The following STPG1 variants were observed in gnomAD, a reference collection of about 807,000 sequenced individuals.
The protein encoded by STPG1 is O(6)-methylguanine-induced apoptosis 2.
STPG1 carries 33 observed loss-of-function variants against 40.1 expected under a neutral mutation model. The ratio of observed to expected loss-of-function variants is 0.82; its 90% CI spans 0.62 to 1.10. STPG1 has a LOEUF of 1.10. STPG1 is among the 50% of genes least tolerant of loss of function. STPG1 has a pLI of 0.00. For synonymous variants in STPG1, 150 were observed against 155.0 expected (o/e 0.97, Z 0.24); for missense variants, 396 against 415.1 (o/e 0.95, Z 0.40).
chr1:24,378,617 C>G (rs895880684), intron 5 of STPG1, among the ~76,000 whole-genome samples: 1 of 152,110 alleles, frequency 6.6e-6, no homozygotes, highest in Non-Finnish European at 1.5e-5. Context: ...CAGAGCAAGA[C>G]TCCGTCTCAA....
intron 8 of STPG1, among the ~76,000 whole-genome samples, 161 bp downstream of exon 8, chr1:24,360,690 T>G (rs994433964): frequency 6.6e-6 from 1 of 152,202 alleles, no homozygotes; most frequent in African/African-American, 2.4e-5. Context: ...CAAAACATTT[T>G]TGTACTGTGA....
At position 24,389,911 on chromosome 1, in the gene STPG1, TTA is replaced by T. The variant is rs533829735; in HGVS notation, c.189+1648_189+1649del. Among the ~76,000 whole-genome samples, 15 of 152,372 alleles carry T rather than the reference TTA, an allele frequency of 9.8e-5. No individual in the cohort carries two copies. In the South Asian group the frequency reaches 3.1e-3, roughly 32 times the overall value. ...TTGTGTGCGTACACTCTATTCTTTA[TTA>T]TTTGCTTTCTTAGAATCCTAAAATA... On this transcript the variant is annotated intron_variant, in intron 3 of 8. Transcript: ENST00000337248.
intron 1 of STPG1, among the ~76,000 whole-genome samples, chr1:24,413,295 G>A (rs1643815228): frequency 6.6e-6 from 1 of 152,244 alleles, no homozygotes; most frequent in African/African-American, 2.4e-5. Context: ...CCCTGAGCTG[G>A]GGTGAACCTA....
chr1:24,380,102 T>C (rs1229757137), intron 4 of STPG1, among the ~76,000 whole-genome samples: 1 of 152,206 alleles, frequency 6.6e-6, no homozygotes, highest in African/African-American at 2.4e-5. Context: ...TTCCACCCAA[T>C]CCTGTTCCAG....
At chr1:24,402,739 C>T (rs1002868076) in intron 1 of STPG1, among the ~76,000 whole-genome samples, 1 of 142,542 alleles carries the variant, frequency 7.0e-6, no homozygotes, top group African/African-American at 2.7e-5. Context: ...GAGCAACAGC[C>T]TATCTCAAAA....
At chr1:24,396,790 G>A (rs1643023734) in intron 2 of STPG1, among the ~76,000 whole-genome samples, 1 of 152,010 alleles carries the variant, frequency 6.6e-6, no homozygotes, top group African/African-American at 2.4e-5. Flanking sequence ...GAACAGATGG[G>A]ACGAATAGAA....
intron 7 of STPG1, 113 bp downstream of exon 7, chr1:24,369,561 G>T (rs140815514): frequency 0.013 from 14,818 of 1,147,940 alleles, 198 homozygotes; most frequent in Non-Finnish European, 0.014. Context: ...CCCCTGAAGA[G>T]AGTGGCCCGG....
chr1:24,395,499 C>G (rs996016214), intron 2 of STPG1, among the ~76,000 whole-genome samples: 1 of 144,634 alleles, frequency 6.9e-6, no homozygotes, highest in Non-Finnish European at 1.5e-5. Flanking sequence ...ATGGCGCTAT[C>G]TCGGCTCACT....
At chr1:24,375,998 G>A (rs1642004200) in intron 5 of STPG1, among the ~76,000 whole-genome samples, 1 of 152,182 alleles carries the variant, frequency 6.6e-6, no homozygotes, top group South Asian at 2.1e-4. Context: ...AGAGGTAGGA[G>A]AGAATATGAA....
At chr1:24,394,320 G>C (rs766545363) in intron 2 of STPG1, among the ~76,000 whole-genome samples, 7 of 152,184 alleles carry the variant, frequency 4.6e-5, no homozygotes, top group Non-Finnish European at 1.0e-4. Flanking sequence ...CTTTAAAGCA[G>C]GACCTGAAAA....
intron 2 of STPG1, among the ~76,000 whole-genome samples, chr1:24,393,941 G>A (rs1406390584): frequency 1.3e-5 from 2 of 152,164 alleles, no homozygotes; most frequent in Non-Finnish European, 2.9e-5. Flanking sequence ...TTCCTGAGTT[G>A]AGGAAATAGA....
chr1:24,387,844 C>T (rs1464886667), intron 3 of STPG1, among the ~76,000 whole-genome samples: 1 of 152,132 alleles, frequency 6.6e-6, no homozygotes, highest in Non-Finnish European at 1.5e-5. Context: ...CAGCTGAGGG[C>T]ACACTTGGGG....
intron 5 of STPG1, 162 bp downstream of exon 5, chr1:24,379,491 G>GT (rs2148695055): frequency 2.8e-6 from 2 of 723,696 alleles, no homozygotes. Context: ...CAAATTCCCT[G>GT]TAAGAGTCTT....
At chr1:24,389,199 T>C (rs1183259972) in intron 3 of STPG1, among the ~76,000 whole-genome samples, 1 of 152,206 alleles carries the variant, frequency 6.6e-6, no homozygotes, top group Non-Finnish European at 1.5e-5. Context: ...AGCAATCATC[T>C]TTTAAAACAC....
At chr1:24,409,051 C>T (rs1194642908) in intron 1 of STPG1, among the ~76,000 whole-genome samples, 1 of 152,136 alleles carries the variant, frequency 6.6e-6, no homozygotes, top group East Asian at 1.9e-4. Flanking sequence ...TCCAGCTTAA[C>T]AAGGTCTTTT....
intron 5 of STPG1, among the ~76,000 whole-genome samples, chr1:24,375,051 G>A (rs371088763): frequency 8.5e-5 from 13 of 152,206 alleles, no homozygotes; most frequent in African/African-American, 1.2e-4. Flanking sequence ...CAAGAAAGTC[G>A]TATCATTTAA....
intron 2 of STPG1, among the ~76,000 whole-genome samples, chr1:24,396,527 T>A (rs1052821524): frequency 2.0e-5 from 3 of 152,224 alleles, no homozygotes; most frequent in Non-Finnish European, 4.4e-5. Context: ...TGGCAACTAT[T>A]CAGTGCTGCC....
rs1037483504 is a variant in STPG1, at chr1:24,391,477, A to G, written c.189+84T>C. 5 of 869,198 alleles carry G rather than the reference A, an allele frequency of 5.8e-6. No homozygotes were observed. In the East Asian group the frequency reaches 1.1e-4, roughly 19 times the overall value. 53.8% of individuals were successfully genotyped at this position (869,198 alleles called of 1,614,324 possible). A position where few individuals can be genotyped will look rare whatever the true frequency, so the allele number is the denominator to read the frequency against. On this transcript the variant is annotated intron_variant, in intron 3 of 8. Coordinates refer to ENST00000337248, the MANE Select transcript of STPG1 (RefSeq NM_001199013.2). The stretch of plus-strand genomic sequence containing the variant: ...ACTGCCCTCCACTGTCCACAGAAAG[A>G]CACAGCAGCCAGACAGAACGTGCCT...
At chr1:24,377,254 A>G (rs1642071819) in intron 5 of STPG1, among the ~76,000 whole-genome samples, 1 of 150,632 alleles carries the variant, frequency 6.6e-6, no homozygotes, top group Non-Finnish European at 1.5e-5. Context: ...GACTCCATCT[A>G]AAAAAAAAGC....
Sources: allele counts gnomAD v4.1 joint callset (sites outside exome capture counted in the v4.1 genomes callset), GRCh38; gene constraint gnomAD v4.1.1; transcripts MANE v1.5; gene names NCBI Gene and HGNC (gene_info 2026-07-23, HGNC 2026-07-21).